KCNH1: variants seen among roughly 807,000 people sequenced by gnomAD.
KCNH1 encodes potassium voltage-gated channel subfamily H member 1.
A neutral mutation model predicts 69.2 loss-of-function variants in KCNH1; 27 were observed. The observed-to-expected ratio is 0.39, with a 90% confidence interval of 0.29 to 0.54. The LOEUF is 0.54. Ranked by LOEUF, KCNH1 falls within the 20% of genes least tolerant of loss-of-function variation. The probability of loss-of-function intolerance (pLI) is 0.68; values close to 1 mark genes in which losing one functional copy is unlikely to be tolerated. For missense variants in KCNH1, 798 were observed against 1,261.6 expected (o/e 0.63, Z 5.57); for synonymous variants, 456 against 487.7 (o/e 0.93, Z 0.86).
chr1:210,890,538 A>G (rs1045046356), intron 7 of KCNH1, among the ~76,000 whole-genome samples: 1 of 152,218 alleles, frequency 6.6e-6, no homozygotes, highest in Non-Finnish European at 1.5e-5. Flanking sequence ...GCCAAAATTG[A>G]CAAATGGGAT....
intron 10 of KCNH1, among the ~76,000 whole-genome samples, chr1:210,763,317 AC>A (rs1201771257): frequency 6.6e-6 from 1 of 152,158 alleles, no homozygotes; most frequent in Non-Finnish European, 1.5e-5. Flanking sequence ...CTAGAACAAA[AC>A]AAAGATGTTC....
At chr1:211,019,818 A>C (rs565458347) in intron 5 of KCNH1, among the ~76,000 whole-genome samples, 9 of 152,350 alleles carry the variant, frequency 5.9e-5, no homozygotes, top group Admixed American at 5.2e-4. Context: ...TCCTGACCAC[A>C]GTGGAAGTAC....
chr1:211,064,640 A>G (rs1307789946), intron 5 of KCNH1, among the ~76,000 whole-genome samples: 2 of 152,178 alleles, frequency 1.3e-5, no homozygotes, highest in Non-Finnish European at 2.9e-5. Context: ...AGTATATACA[A>G]TTATATCAAG....
intron 4 of KCNH1, 42 bp downstream of exon 4, chr1:211,090,520 A>G: frequency 6.5e-7 from 1 of 1,548,048 alleles, no homozygotes; most frequent in African/African-American, 1.4e-5. Flanking sequence ...CAATAAAGAC[A>G]AAAAAGGCAT....
At chr1:210,721,588 C>T (rs1381007210) in intron 10 of KCNH1, among the ~76,000 whole-genome samples, 1 of 152,056 alleles carries the variant, frequency 6.6e-6, no homozygotes, top group Non-Finnish European at 1.5e-5. Context: ...ATAATTTTTC[C>T]CAGGCACAAG....
chr1:210,751,539 C>T (rs868720498), intron 10 of KCNH1, among the ~76,000 whole-genome samples: 10 of 152,100 alleles, frequency 6.6e-5, no homozygotes, highest in African/African-American at 2.4e-4. Context: ...TAAGTGCTAA[C>T]GTTAGGACAG....
chr1:210,802,369 A>G (rs749142053), intron 8 of KCNH1, among the ~76,000 whole-genome samples: 1 of 152,176 alleles, frequency 6.6e-6, no homozygotes, highest in Admixed American at 6.5e-5. Flanking sequence ...GCAATGTGTC[A>G]TTATGTATTT....
At chr1:210,955,042 A>T (rs1688141546) in intron 6 of KCNH1, among the ~76,000 whole-genome samples, 2 of 152,162 alleles carry the variant, frequency 1.3e-5, no homozygotes, top group South Asian at 4.1e-4. Context: ...TAGGTCTCAC[A>T]TTTAAGACTT....
chr1:210,901,486 T>C (rs1437199946), intron 7 of KCNH1, among the ~76,000 whole-genome samples: 2 of 152,076 alleles, frequency 1.3e-5, no homozygotes, highest in African/African-American at 4.8e-5. Flanking sequence ...GCGGAACACA[T>C]GAAGTGGAGA....
chr1:210,913,698 G>A (rs1366028361), intron 7 of KCNH1, among the ~76,000 whole-genome samples: 2 of 152,124 alleles, frequency 1.3e-5, no homozygotes, highest in Admixed American at 6.6e-5. Context: ...ATCAACTGAC[G>A]GAATAAGACT....
At chr1:210,690,007 A>G (rs1044303182) in intron 10 of KCNH1, among the ~76,000 whole-genome samples, 2 of 152,204 alleles carry the variant, frequency 1.3e-5, no homozygotes, top group Non-Finnish European at 1.5e-5. Context: ...GCATGGCCAC[A>G]CACACCAGCT....
chr1:211,033,082 C>A (rs1689822280), intron 5 of KCNH1, among the ~76,000 whole-genome samples: 1 of 152,060 alleles, frequency 6.6e-6, no homozygotes, highest in South Asian at 2.1e-4. Context: ...ACAAACAACC[C>A]CATCAAAAAG....
intron 10 of KCNH1, among the ~76,000 whole-genome samples, chr1:210,709,289 T>C (rs889960066): frequency 2.6e-5 from 4 of 152,182 alleles, no homozygotes; most frequent in Non-Finnish European, 4.4e-5. Context: ...CAGATATGCA[T>C]ACACGGATGT....
intron 7 of KCNH1, among the ~76,000 whole-genome samples, chr1:210,836,716 T>A (rs896116030): frequency 6.6e-6 from 1 of 152,178 alleles, no homozygotes; most frequent in East Asian, 1.9e-4. Context: ...GAGAGGTACA[T>A]GAATTGTATA....
chr1:210,877,970 T>G (rs771761242), intron 7 of KCNH1, among the ~76,000 whole-genome samples: 4 of 152,200 alleles, frequency 2.6e-5, no homozygotes, highest in Non-Finnish European at 4.4e-5. Flanking sequence ...CTTCCTGAAT[T>G]ATAAATCTGG....
At chr1:210,864,613 A>C (rs114652753) in intron 7 of KCNH1, among the ~76,000 whole-genome samples, 1 of 152,160 alleles carries the variant, frequency 6.6e-6, no homozygotes, top group East Asian at 1.9e-4. Flanking sequence ...GGAGGGAGTG[A>C]GACACTTGGA....
intron 6 of KCNH1, among the ~76,000 whole-genome samples, chr1:210,985,917 T>C (rs1051903718): frequency 2.6e-5 from 4 of 152,220 alleles, no homozygotes; most frequent in Non-Finnish European, 5.9e-5. Context: ...TGTGGGAGTC[T>C]AAGTCTCTTT....
At chr1:210,874,543 C>T (rs1478576358) in intron 7 of KCNH1, among the ~76,000 whole-genome samples, 1 of 152,134 alleles carries the variant, frequency 6.6e-6, no homozygotes, top group Non-Finnish European at 1.5e-5. Flanking sequence ...GCACTATTCA[C>T]AAATAGTGAA....
intron 5 of KCNH1, among the ~76,000 whole-genome samples, chr1:211,048,844 A>C (rs937387348): frequency 6.6e-6 from 1 of 152,208 alleles, no homozygotes; most frequent in Non-Finnish European, 1.5e-5. Flanking sequence ...ATTGAAATTT[A>C]AAAAACTAAT....
Sources: allele counts gnomAD v4.1 joint callset (sites outside exome capture counted in the v4.1 genomes callset), GRCh38; gene constraint gnomAD v4.1.1; transcripts MANE v1.5; gene names NCBI Gene and HGNC (gene_info 2026-07-23, HGNC 2026-07-21).